Variants in GABRB1 observed in about 807,000 individuals in gnomAD.
The protein encoded by GABRB1 is gamma-aminobutyric acid type A receptor subunit beta1.
GABRB1 carries 17 observed loss-of-function variants against 51.6 expected under a neutral mutation model. The observed-to-expected ratio is 0.33, with a 90% CI of 0.23 to 0.49. The LOEUF is 0.49. GABRB1 is among the 20% of genes least tolerant of loss of function. GABRB1 has a pLI of 0.99. For synonymous variants in GABRB1, 247 were observed against 218.9 expected, an observed-to-expected ratio of 1.13 and a Z score of -1.14; for missense variants, 410 against 600.6, an observed-to-expected ratio of 0.68 and a Z score of 3.32.
At chr4:47,411,020 T>A (rs1032907158) in intron 8 of GABRB1, among the ~76,000 whole-genome samples, 17 of 152,158 alleles carry the variant, frequency 1.1e-4, no homozygotes, top group Admixed American at 3.3e-4. Flanking sequence ...GATAGCAGAA[T>A]TTAGAGTCTC....
At chr4:47,222,306 A>C (rs957677805) in intron 4 of GABRB1, among the ~76,000 whole-genome samples, 1 of 152,136 alleles carries the variant, frequency 6.6e-6, no homozygotes. Flanking sequence ...ATGAGTATCA[A>C]CTGTATGTGC....
At chr4:47,086,840 G>A (rs1456149488) in intron 3 of GABRB1, among the ~76,000 whole-genome samples, 1 of 152,176 alleles carries the variant, frequency 6.6e-6, no homozygotes, top group Non-Finnish European at 1.5e-5. Context: ...GCTAAGGGCT[G>A]CTGGAGCGTG....
At chr4:47,294,973 C>T (rs543368724) in intron 4 of GABRB1, among the ~76,000 whole-genome samples, 2 of 152,332 alleles carry the variant, frequency 1.3e-5, no homozygotes, top group Admixed American at 1.3e-4. Flanking sequence ...TCTGCAGCCA[C>T]CACTGCTGAT....
At chr4:47,142,480 A>G (rs1716975785) in intron 3 of GABRB1, among the ~76,000 whole-genome samples, 1 of 151,882 alleles carries the variant, frequency 6.6e-6, no homozygotes, top group Non-Finnish European at 1.5e-5. Flanking sequence ...CATGTTGACA[A>G]ATTTGAATTT....
At chr4:47,373,977 C>G (rs1336584045) in intron 5 of GABRB1, among the ~76,000 whole-genome samples, 1 of 152,126 alleles carries the variant, frequency 6.6e-6, no homozygotes. Flanking sequence ...AACAACCTGA[C>G]AGTGGACAGA....
chr4:47,155,916 CATATATATATATATATATAT>C (rs10525795), intron 3 of GABRB1, among the ~76,000 whole-genome samples: 1 of 73,602 alleles, frequency 1.4e-5, no homozygotes, highest in Non-Finnish European at 3.1e-5. Flanking sequence ...GAGGTATTTT[CATATATATATATATATATAT>C]ATATATATAT....
intron 4 of GABRB1, among the ~76,000 whole-genome samples, chr4:47,196,342 G>A (rs1482196899): frequency 6.6e-6 from 1 of 152,186 alleles, no homozygotes; most frequent in African/African-American, 2.4e-5. Context: ...AAGCACTTGG[G>A]TATAGGTCTT....
chr4:47,013,503 G>A (rs1724646352), intron 1 of GABRB1, among the ~76,000 whole-genome samples: 1 of 152,100 alleles, frequency 6.6e-6, no homozygotes, highest in African/African-American at 2.4e-5. Context: ...TTGGTTTAAA[G>A]GAGAGTAGAA....
intron 1 of GABRB1, among the ~76,000 whole-genome samples, chr4:47,025,443 C>A (rs1280251213): frequency 6.6e-6 from 1 of 151,598 alleles, no homozygotes; most frequent in African/African-American, 2.4e-5. Context: ...AGGAGTAAGG[C>A]GGTATTGTAT....
At chr4:47,198,924 A>G (rs1719794442) in intron 4 of GABRB1, among the ~76,000 whole-genome samples, 1 of 152,176 alleles carries the variant, frequency 6.6e-6, no homozygotes, top group African/African-American at 2.4e-5. Flanking sequence ...ACTGCTAAAC[A>G]CTTGTAAAAC....
At chr4:47,020,353 A>C (rs552529126) in intron 1 of GABRB1, among the ~76,000 whole-genome samples, 1 of 152,292 alleles carries the variant, frequency 6.6e-6, no homozygotes, top group South Asian at 2.1e-4. Context: ...TCATACGAAT[A>C]GTATCTATGT....
chr4:47,109,531 A>G (rs13435562), intron 3 of GABRB1, among the ~76,000 whole-genome samples: 2,373 of 152,204 alleles, frequency 0.016, 53 homozygotes, highest in African/African-American at 0.054. Flanking sequence ...TGAAAGAATG[A>G]TAATGTCTCT....
intron 1 of GABRB1, among the ~76,000 whole-genome samples, chr4:47,000,104 T>G (rs1348766770): frequency 6.6e-6 from 1 of 152,222 alleles, no homozygotes; most frequent in Non-Finnish European, 1.5e-5. Context: ...GACATACTAT[T>G]GGCTTCTAGT....
At chr4:47,178,994 C>A (rs1718824692) in intron 4 of GABRB1, among the ~76,000 whole-genome samples, 1 of 151,770 alleles carries the variant, frequency 6.6e-6, no homozygotes, top group South Asian at 2.1e-4. Context: ...ACTTTAAGTT[C>A]TGGGATACAT....
intron 5 of GABRB1, among the ~76,000 whole-genome samples, chr4:47,322,905 G>A (rs1725134048): frequency 6.6e-6 from 1 of 152,100 alleles, no homozygotes; most frequent in Admixed American, 6.5e-5. Context: ...GGAGGCAGAG[G>A]TTGCAGTGAG....
At chr4:47,001,190 T>G (rs550728207) in intron 1 of GABRB1, among the ~76,000 whole-genome samples, 2 of 152,334 alleles carry the variant, frequency 1.3e-5, no homozygotes, top group East Asian at 3.9e-4. Context: ...TCGCCCAGGC[T>G]GGAGTACAGT....
intron 1 of GABRB1, among the ~76,000 whole-genome samples, chr4:47,014,408 T>C (rs1322428719): frequency 6.6e-6 from 1 of 152,214 alleles, no homozygotes; most frequent in African/African-American, 2.4e-5. Context: ...TTGTCATGTT[T>C]GTATTATAGG....
chr4:47,307,738 TTC>T (rs1406580013), intron 4 of GABRB1, among the ~76,000 whole-genome samples: 3 of 152,008 alleles, frequency 2.0e-5, no homozygotes, highest in Non-Finnish European at 4.4e-5. Context: ...TATTGATATA[TTC>T]TTTTAGTCAT....
At chr4:47,103,974 T>C (rs1375115308) in intron 3 of GABRB1, among the ~76,000 whole-genome samples, 1 of 151,884 alleles carries the variant, frequency 6.6e-6, no homozygotes, top group East Asian at 1.9e-4. Flanking sequence ...TATTTTCTTT[T>C]ATTTATGCCC....
Sources: gnomAD v4.1 joint callset for allele counts (sites outside exome capture counted in the v4.1 genomes callset) on GRCh38, gnomAD v4.1.1 for gene constraint, MANE v1.5 for transcripts, NCBI Gene and HGNC (gene_info 2026-07-23, HGNC 2026-07-21) for gene names.